ACOT11: variants seen among roughly 807,000 people sequenced by gnomAD.
ACOT11 encodes acyl-CoA thioesterase 11.
In ACOT11, 69 loss-of-function variants were observed where a neutral mutation model predicts 77.5. The ratio of observed to expected loss-of-function variants is 0.89; its 90% confidence interval spans 0.73 to 1.09. The LOEUF is 1.09. Ranked by LOEUF, ACOT11 falls within the 50% of genes least tolerant of loss-of-function variation. The probability of loss-of-function intolerance (pLI) is 0.00; values close to 1 mark genes in which losing one functional copy is unlikely to be tolerated. For synonymous variants in ACOT11, 279 were observed against 313.0 expected, an observed-to-expected ratio of 0.89 and a Z score of 1.15; for missense variants, 766 against 813.7, an observed-to-expected ratio of 0.94 and a Z score of 0.71.
intron 15 of ACOT11, chr1:54,623,401 C>T (rs201054415): frequency 9.9e-6 from 16 of 1,610,278 alleles, no homozygotes; most frequent in African/African-American, 4.0e-5. Context: ...ACCATGGCGA[C>T]GCTCTCTGGG....
rs1333093363 is a variant in ACOT11, at chr1:54,601,155, A to ATGCATGTGTGTGGGCGCATGTG, written c.885-101_885-80dup. 4 of 1,250,990 alleles carry ATGCATGTGTGTGGGCGCATGTG rather than the reference A, an allele frequency of 3.2e-6. 1 individual carries two copies. The highest frequency in any genetic ancestry group is 1.5e-5 in the African/African-American group (1 of 67,322). The allele number at this position is 1,250,990 out of a possible 1,614,324, so 77.5% of individuals were successfully genotyped here. On this transcript the variant is annotated intron_variant, in intron 8 of 15. Transcript: ENST00000343744. ...TGTGTGCATACGTGTGTGTGTGTGC[A>ATGCATGTGTGTGGGCGCATGTG]TGCATGTGTGTGGGCGCATGTGTGC...
At chr1:54,562,667 A>G (rs1653576195) in intron 1 of ACOT11, among the ~76,000 whole-genome samples, 3 of 117,546 alleles carry the variant, frequency 2.6e-5, no homozygotes, top group Non-Finnish European at 1.8e-5. Context: ...GTTGCCAGGC[A>G]GAGGGTCTCC....
chr1:54,615,997 A>C (rs1423073611), intron 15 of ACOT11: 1 of 1,611,890 alleles, frequency 6.2e-7, no homozygotes, highest in Non-Finnish European at 8.5e-7. Flanking sequence ...GGGGCCGGAG[A>C]GGGTTTCCAG....
intron 3 of ACOT11, among the ~76,000 whole-genome samples, chr1:54,591,645 C>A (rs1311362121): frequency 6.6e-6 from 1 of 152,252 alleles, no homozygotes. Context: ...CACAGTCCAT[C>A]AGCTGGGCAC....
chr1:54,582,623 T>A (rs12568189), intron 1 of ACOT11: 18,596 of 653,970 alleles, frequency 0.028, 476 homozygotes, highest in East Asian at 0.17. Flanking sequence ...GGACCAGAGC[T>A]TAGGTATCAT....
At chr1:54,622,920 A>G (rs1224436855) in intron 15 of ACOT11, among the ~76,000 whole-genome samples, 7 of 151,978 alleles carry the variant, frequency 4.6e-5, no homozygotes, top group Non-Finnish European at 8.8e-5. Flanking sequence ...CACACCTGTA[A>G]TCCCAGCACT....
chr1:54,573,692 C>T (rs1654000241), intron 1 of ACOT11, among the ~76,000 whole-genome samples: 4 of 151,990 alleles, frequency 2.6e-5, no homozygotes, highest in Admixed American at 2.6e-4. Context: ...AAGATCACAC[C>T]GCTGCATTCC....
At chr1:54,596,658 CT>C (rs1275085392) in intron 6 of ACOT11, among the ~76,000 whole-genome samples, 2 of 152,222 alleles carry the variant, frequency 1.3e-5, no homozygotes, top group Non-Finnish European at 2.9e-5. Flanking sequence ...ACTGCAACCT[CT>C]GCCTCCCAGG....
At chr1:54,585,359 G>T (rs1055436108) in intron 2 of ACOT11, among the ~76,000 whole-genome samples, 5 of 152,208 alleles carry the variant, frequency 3.3e-5, no homozygotes, top group African/African-American at 1.2e-4. Flanking sequence ...CCAGGCCTGG[G>T]GGCAGGGAAG....
intron 1 of ACOT11, among the ~76,000 whole-genome samples, chr1:54,569,868 A>G (rs1653874734): frequency 1.3e-5 from 2 of 152,182 alleles, no homozygotes; most frequent in South Asian, 2.1e-4. Context: ...CAACCTTTCA[A>G]GTGGTCATCT....
At chr1:54,569,284 A>G (rs1039261472) in intron 1 of ACOT11, among the ~76,000 whole-genome samples, 1 of 152,014 alleles carries the variant, frequency 6.6e-6, no homozygotes, top group Non-Finnish European at 1.5e-5. Context: ...AAAAAGATTT[A>G]TGTTGATTCC....
In ACOT11 at chr1:54,580,319, G is replaced by A. The variant is rs116385435; in HGVS notation, c.34-4336G>A. On this transcript the variant is annotated intron_variant, in intron 1 of 15. Transcript: ENST00000343744. ...CCTTTGCACCAGGCCTGTTGCTCCAGTTGGGGTCTGCAGGCACTGTGATCT... is the reference window on the plus strand; with the variant it reads ...CCTTTGCACCAGGCCTGTTGCTCCAATTGGGGTCTGCAGGCACTGTGATCT... Among the ~76,000 whole-genome samples the A allele has an allele frequency of 5.3e-3, 805 of 152,298 alleles. 1 individual carries two copies. The highest frequency in any genetic ancestry group is 8.8e-3 in the Non-Finnish European group (598 of 68,020).
intron 10 of ACOT11, among the ~76,000 whole-genome samples, chr1:54,603,275 G>A (rs1225537311): frequency 2.0e-5 from 3 of 152,178 alleles, no homozygotes; most frequent in East Asian, 1.9e-4. Flanking sequence ...GCTTGAACCG[G>A]GAGTTGCAGG....
Position 54,616,080 on chromosome 1 carries a change from T to C in ACOT11, c.1629+8012T>C, listed in dbSNP as rs766027088. The C allele has an allele frequency of 6.2e-6, 10 of 1,613,964 alleles. No homozygotes were observed. In the Admixed American group the frequency reaches 6.7e-5, roughly 11 times the overall value. On this transcript the variant is annotated intron_variant, in intron 15 of 16. Coordinates refer to the ACOT11 transcript ENST00000371316. ...TGCTCCAGTGTGTTGTCACTGTAGA[T>C]AGTGGGGGGGTGTGCCATGATGGGA...
At position 54,631,055 on chromosome 1, in the gene ACOT11, C is replaced by T. The variant is rs141842974; in HGVS notation, c.1782+169C>T. On this transcript the variant is annotated intron_variant, in intron 16 of 16. Transcript: ENST00000371316. ...GTTTATTTGCCAGCTGAAGCTAAAG[C>T]GGCAAAGGAAGGAGAGTTTCATCCC... Among the ~76,000 whole-genome samples, 5 of 152,238 alleles carry T rather than the reference C, an allele frequency of 3.3e-5. No homozygotes were observed. The East Asian group carries it at 5.8e-4, about 18-fold the overall frequency.
intron 1 of ACOT11, among the ~76,000 whole-genome samples, chr1:54,549,651 CCCTCCCA>C (rs1357436231): frequency 6.6e-6 from 1 of 152,210 alleles, no homozygotes; most frequent in Non-Finnish European, 1.5e-5. Flanking sequence ...GCACATACAT[CCCTCCCA>C]CCAGCCAGGG....
At chr1:54,614,635 C>T, downstream of ACOT11, 3 of 1,515,668 alleles carry the variant, frequency 2.0e-6, no homozygotes, top group Non-Finnish European at 2.7e-6. Flanking sequence ...CTAAGATCCC[C>T]ATCCTGTGGT....
At position 54,634,851 on chromosome 1, in the gene ACOT11, G is replaced by C. The variant is rs757039337; in HGVS notation, c.*122G>C. The C allele has an allele frequency of 4.7e-4, 285 of 605,804 alleles. 1 individual carries two copies. Among genetic ancestry groups the C allele is most frequent in the Non-Finnish European group, 7.1e-4 (241 of 339,312 alleles). The allele number at this position is 605,804 out of a possible 1,614,324, so 37.5% of individuals were successfully genotyped here. On this transcript the variant is annotated 3_prime_UTR_variant, in exon 17 of 17. Coordinates refer to the ACOT11 transcript ENST00000371316. ...CCAACTATCATGAGCAACACCCGTC[G>C]AACACAGCCACCCCGCTAAGAACAG...
Position 54,591,566 on chromosome 1 carries a change from T to C in ACOT11, c.312-980T>C, listed in dbSNP as rs1190621918. Among the ~76,000 whole-genome samples, 4 of 152,152 alleles carry C rather than the reference T, an allele frequency of 2.6e-5. No homozygotes were observed. The South Asian group carries it at 8.3e-4, about 32-fold the overall frequency. On this transcript the variant is annotated intron_variant, in intron 3 of 15. Transcript: ENST00000343744. Reference sequence around the variant, plus strand: ...GTTCATGAGCCAAGGCCCAGAGAAGTGAAAGGACCTGCTGGAGATCACACA... The same window carrying C: ...GTTCATGAGCCAAGGCCCAGAGAAGCGAAAGGACCTGCTGGAGATCACACA...
Sources: gnomAD v4.1 joint callset for allele counts (sites outside exome capture counted in the v4.1 genomes callset) on GRCh38, gnomAD v4.1.1 for gene constraint, MANE v1.5 for transcripts, NCBI Gene and HGNC (gene_info 2026-07-23, HGNC 2026-07-21) for gene names.